AFF2: variants seen among roughly 807,000 people sequenced by gnomAD.
AFF2 encodes AF4/FMR2 family member 2.
A neutral mutation model predicts 76.9 loss-of-function variants in AFF2; 14 were observed. That is an observed-to-expected ratio of 0.18 (90% CI 0.12 to 0.28). AFF2 has a LOEUF of 0.28. Ranked by LOEUF, AFF2 falls within the 10% of genes least tolerant of loss-of-function variation. The pLI is 1.00. For missense variants in AFF2, 868 were observed against 1,001.1 expected, an observed-to-expected ratio of 0.87 and a Z score of 1.79; for synonymous variants, 398 against 366.7, an observed-to-expected ratio of 1.09 and a Z score of -0.98.
At chrX:148,875,843 A>G (rs781970223) in intron 7 of AFF2, among the ~76,000 whole-genome samples, 3 of 111,434 alleles carry the variant, frequency 2.7e-5, no homozygotes, top group East Asian at 2.8e-4. Context: ...TAGACATTTC[A>G]TTATCAAAAT....
intron 19 of AFF2, among the ~76,000 whole-genome samples, chrX:148,982,429 C>T (rs2072406613): frequency 8.9e-6 from 1 of 111,947 alleles, no homozygotes; most frequent in African/African-American, 3.2e-5. Context: ...AAGGAGGTGA[C>T]AGGTATGAAC....
intron 4 of AFF2, among the ~76,000 whole-genome samples, chrX:148,819,874 A>G (rs1286821126): frequency 6.3e-5 from 7 of 111,479 alleles, no homozygotes; most frequent in Admixed American, 5.7e-4. Context: ...TATTGAAAAG[A>G]TTGTATTTAA....
At chrX:148,785,183 T>G (rs782380249) in intron 3 of AFF2, among the ~76,000 whole-genome samples, 1 of 112,246 alleles carries the variant, frequency 8.9e-6, no homozygotes, top group South Asian at 3.8e-4. Context: ...CTCGCTCTAC[T>G]CATCTTTTTG....
chrX:148,619,719 A>C (rs932145525), intron 1 of AFF2, among the ~76,000 whole-genome samples: 1 of 111,865 alleles, frequency 8.9e-6, no homozygotes, highest in African/African-American at 3.2e-5. Context: ...CATAAGCTAC[A>C]TACAGAAGTC....
chrX:148,971,664 A>T (rs2072253910), intron 15 of AFF2, among the ~76,000 whole-genome samples: 1 of 110,136 alleles, frequency 9.1e-6, no homozygotes, highest in African/African-American at 3.3e-5. Context: ...CATGTCAAGA[A>T]GAATTGCAGA....
intron 1 of AFF2, among the ~76,000 whole-genome samples, chrX:148,595,044 C>G (rs782067569): frequency 4.5e-5 from 5 of 111,557 alleles, no homozygotes; most frequent in African/African-American, 1.3e-4. Flanking sequence ...ATTCCACAAG[C>G]CTCCAGAAAG....
chrX:148,590,965 G>A (rs1234582461), intron 1 of AFF2, among the ~76,000 whole-genome samples: 1 of 111,484 alleles, frequency 9.0e-6, no homozygotes, highest in East Asian at 2.8e-4. Flanking sequence ...TATAATCCTG[G>A]TCTGCAATTT....
intron 4 of AFF2, chrX:148,822,544 G>T (rs376357260): frequency 3.4e-4 from 38 of 111,043 alleles, no homozygotes; most frequent in African/African-American, 1.2e-3. Flanking sequence ...TGTAAACAAG[G>T]TACTGAATAA....
chrX:148,742,362 C>T (rs1557265746), intron 3 of AFF2, among the ~76,000 whole-genome samples: 1 of 112,220 alleles, frequency 8.9e-6, no homozygotes, highest in African/African-American at 3.2e-5. Flanking sequence ...ATTGTGTCCT[C>T]CCAAAACTTG....
intron 3 of AFF2, among the ~76,000 whole-genome samples, chrX:148,753,092 G>A (rs2055521221): frequency 1.8e-5 from 2 of 111,512 alleles, no homozygotes; most frequent in South Asian, 7.5e-4. Context: ...TTAAGACCTT[G>A]GGGATGTTGT....
chrX:148,613,690 A>C, intron 1 of AFF2, among the ~76,000 whole-genome samples: 1 of 111,419 alleles, frequency 9.0e-6, no homozygotes, highest in Non-Finnish European at 1.9e-5. Context: ...CCTGTGCTAT[A>C]GTCTCCTGTT....
intron 3 of AFF2, among the ~76,000 whole-genome samples, chrX:148,807,348 G>A (rs2070149226): frequency 1.8e-5 from 2 of 112,033 alleles, no homozygotes; most frequent in South Asian, 7.6e-4. Context: ...ATTGTATTGG[G>A]CTTTGCGGAT....
chrX:148,689,096 G>A (rs1369875357), intron 3 of AFF2, among the ~76,000 whole-genome samples: 1 of 111,813 alleles, frequency 8.9e-6, no homozygotes, highest in African/African-American at 3.3e-5. Flanking sequence ...AGACAAAGGT[G>A]TGGACAGTGT....
intron 3 of AFF2, chrX:148,719,005 G>A: frequency 2.2e-6 from 2 of 913,588 alleles, no homozygotes; most frequent in East Asian, 3.5e-5. Context: ...TTGAGATGAT[G>A]TCATAATTAG....
At chrX:148,530,053 A>G (rs782236659) in intron 1 of AFF2, among the ~76,000 whole-genome samples, 40 of 111,215 alleles carry the variant, frequency 3.6e-4, no homozygotes, top group African/African-American at 1.2e-3. Context: ...TGCTTATCAG[A>G]CAGGTTAATA....
intron 1 of AFF2, among the ~76,000 whole-genome samples, chrX:148,610,085 A>G (rs1462095329): frequency 8.9e-6 from 1 of 111,734 alleles, no homozygotes; most frequent in Non-Finnish European, 1.9e-5. Context: ...TGCTTATCTC[A>G]TAGGATCGTT....
intron 9 of AFF2, among the ~76,000 whole-genome samples, chrX:148,910,881 T>C (rs1478374123): frequency 9.0e-6 from 1 of 111,684 alleles, no homozygotes; most frequent in Non-Finnish European, 1.9e-5. Flanking sequence ...TGGGTTCTAG[T>C]CTTGAATCTG....
chrX:148,570,763 G>T (rs1412115885), intron 1 of AFF2, among the ~76,000 whole-genome samples: 4 of 111,400 alleles, frequency 3.6e-5, no homozygotes, highest in Admixed American at 9.5e-5. Flanking sequence ...CAGGAAAGAC[G>T]TGTTCCATGC....
At chrX:148,907,363 G>A (rs1406999931) in intron 9 of AFF2, among the ~76,000 whole-genome samples, 1 of 112,002 alleles carries the variant, frequency 8.9e-6, no homozygotes, top group Non-Finnish European at 1.9e-5. Flanking sequence ...CATGTTAAAA[G>A]AACATGTGTA....
Sources: allele counts gnomAD v4.1 joint callset (sites outside exome capture counted in the v4.1 genomes callset), GRCh38; gene constraint gnomAD v4.1.1; transcripts MANE v1.5; gene names NCBI Gene and HGNC (gene_info 2026-07-23, HGNC 2026-07-21).